Variants in PEBP4 observed in about 807,000 individuals in gnomAD.
PEBP4 encodes phosphatidylethanolamine-binding protein 4.
Under a neutral mutation model 23.9 loss-of-function variants are expected in PEBP4, and 22 were observed. The ratio of observed to expected loss-of-function variants is 0.92; its 90% CI spans 0.66 to 1.31. PEBP4 has a LOEUF of 1.31. Ranked by LOEUF, PEBP4 falls within the 40% of genes most tolerant of loss-of-function variation. PEBP4 has a pLI of 0.00. For missense variants in PEBP4, 324 were observed against 281.7 expected (o/e 1.15, Z -1.07); for synonymous variants, 112 against 99.3 (o/e 1.13, Z -0.76).
At chr8:22,892,153 T>C (rs143127950) in intron 3 of PEBP4, among the ~76,000 whole-genome samples, 45 of 152,144 alleles carry the variant, frequency 3.0e-4, no homozygotes, top group African/African-American at 1.0e-3. Context: ...TTGTGAGAAA[T>C]AAAACTTTAG....
At chr8:22,799,302 T>C (rs898701669) in intron 4 of PEBP4, among the ~76,000 whole-genome samples, 11 of 152,236 alleles carry the variant, frequency 7.2e-5, no homozygotes, top group Admixed American at 2.0e-4. Flanking sequence ...TACTGTTGCT[T>C]GGAGTTTGGG....
chr8:22,898,530 T>A (rs944890866), intron 3 of PEBP4, among the ~76,000 whole-genome samples: 37 of 148,354 alleles, frequency 2.5e-4, no homozygotes, highest in Non-Finnish European at 2.4e-4. Flanking sequence ...AGTGGCTCAA[T>A]CTAATACTCA....
intron 4 of PEBP4, among the ~76,000 whole-genome samples, chr8:22,735,134 A>G (rs1045772713): frequency 1.2e-4 from 18 of 152,216 alleles, no homozygotes; most frequent in African/African-American, 4.3e-4. Flanking sequence ...TGTGTTGGAG[A>G]TAGAAATTTA....
chr8:22,778,382 G>GA (rs761423238), intron 4 of PEBP4, among the ~76,000 whole-genome samples: 171 of 149,994 alleles, frequency 1.1e-3, no homozygotes, highest in Middle Eastern at 6.8e-3. Context: ...GACAGAGCTT[G>GA]AACTTTTTTT....
At position 22,789,761 on chromosome 8, in the gene PEBP4, G is replaced by T. The variant is rs146880745; in HGVS notation, c.357+27876C>A. 1.3e-3 allele frequency among the ~76,000 whole-genome samples: 205 copies of T among 152,324 alleles called. 1 individual carries two copies. Among genetic ancestry groups the T allele is most frequent in the African/African-American group, 4.7e-3 (195 of 41,570 alleles). ...GATGCTCACCTTGTCAAACACTTTT[G>T]TGACAGACATGATTCTCCTTCCTCC... is the stretch of plus-strand genomic sequence containing the variant. On this transcript the variant is annotated intron_variant, in intron 4 of 6. Transcript: ENST00000256404.
At chr8:22,735,686 T>C (rs1020482592) in intron 4 of PEBP4, among the ~76,000 whole-genome samples, 4 of 152,178 alleles carry the variant, frequency 2.6e-5, no homozygotes, top group Non-Finnish European at 4.4e-5. Flanking sequence ...CCAGAGTTGG[T>C]TGGCTGAGCT....
chr8:22,738,710 T>A (rs1487131600), intron 4 of PEBP4, among the ~76,000 whole-genome samples: 1 of 152,080 alleles, frequency 6.6e-6, no homozygotes, highest in African/African-American at 2.4e-5. Flanking sequence ...ATACATACGT[T>A]CACACACTCA....
chr8:22,844,161 A>T (rs1807380422), intron 3 of PEBP4, among the ~76,000 whole-genome samples: 1 of 152,226 alleles, frequency 6.6e-6, no homozygotes, highest in African/African-American at 2.4e-5. Context: ...GCTGACAGAG[A>T]AAGAAGTTGC....
chr8:22,809,441 C>T (rs1379799940), intron 4 of PEBP4, among the ~76,000 whole-genome samples: 1 of 152,148 alleles, frequency 6.6e-6, no homozygotes, highest in Non-Finnish European at 1.5e-5. Flanking sequence ...CCACACATGG[C>T]CACAATATAA....
intron 3 of PEBP4, among the ~76,000 whole-genome samples, chr8:22,864,161 G>A (rs1807835429): frequency 6.6e-6 from 1 of 152,182 alleles, no homozygotes; most frequent in Non-Finnish European, 1.5e-5. Flanking sequence ...CAGGCCCCCT[G>A]CCTTTTGCAT....
intron 4 of PEBP4, among the ~76,000 whole-genome samples, chr8:22,739,646 G>C (rs1029448010): frequency 6.6e-6 from 1 of 152,126 alleles, no homozygotes; most frequent in East Asian, 1.9e-4. Context: ...CCGAGTGGCT[G>C]TGACTGCTGA....
At chr8:22,727,576 A>C (rs111350269) in intron 4 of PEBP4, among the ~76,000 whole-genome samples, 3,252 of 152,190 alleles carry the variant, frequency 0.021, 112 homozygotes, top group African/African-American at 0.073. Context: ...ACTGGGCGCT[A>C]CACATCACCT....
chr8:22,725,833 T>A lies in PEBP4; in HGVS notation c.404-877A>T, dbSNP rs180793490. On this transcript the variant is annotated intron_variant, in intron 5 of 6. Transcript: ENST00000256404. ...ATTGGTCCTTTATGGCCATCTCCCC[T>A]TCTTTCCTCTCCTGATCATTAAACA... 3.9e-5 allele frequency among the ~76,000 whole-genome samples: 6 copies of A among 152,292 alleles called. No individual in the cohort carries two copies. In the East Asian group the frequency reaches 1.2e-3, roughly 29 times the overall value.
chr8:22,801,597 A>AT (rs1014909068), intron 4 of PEBP4, among the ~76,000 whole-genome samples: 4 of 152,102 alleles, frequency 2.6e-5, no homozygotes, highest in African/African-American at 9.7e-5. Context: ...GAGATGAAGG[A>AT]TTTTTTGGGG....
At position 22,814,775 on chromosome 8, in the gene PEBP4, C is replaced by CAAT. The variant is rs143407184; in HGVS notation, c.357+2861_357+2862insATT. Among the ~76,000 whole-genome samples the CAAT allele has an allele frequency of 1.7e-3, 265 of 152,192 alleles. 1 individual carries two copies. The highest frequency in any genetic ancestry group is 6.1e-3 in the African/African-American group (255 of 41,494). On this transcript the variant is annotated intron_variant, in intron 4 of 6. Transcript: ENST00000256404. Reference sequence around the variant, plus strand: ...ATTTAGGGTGTAGTATTATGGGGTCCAAAACACTTACCTAGTGTGTTTTAT... The same window carrying CAAT: ...ATTTAGGGTGTAGTATTATGGGGTCCAATAAAACACTTACCTAGTGTGTTTTAT...
At chr8:22,843,451 G>A (rs1464001443) in intron 3 of PEBP4, among the ~76,000 whole-genome samples, 1 of 152,178 alleles carries the variant, frequency 6.6e-6, no homozygotes, top group African/African-American at 2.4e-5. Context: ...CTAGGAAATG[G>A]GTTGCTCCAT....
chr8:22,904,810 C>A (rs1808779083), intron 3 of PEBP4, among the ~76,000 whole-genome samples: 1 of 152,152 alleles, frequency 6.6e-6, no homozygotes, highest in Admixed American at 6.5e-5. Flanking sequence ...TCTTCAAGAC[C>A]ATGCTTTTTA....
At chr8:22,833,266 G>C (rs1056833802) in intron 3 of PEBP4, among the ~76,000 whole-genome samples, 2 of 152,118 alleles carry the variant, frequency 1.3e-5, no homozygotes, top group South Asian at 2.1e-4. Context: ...GACTCCTAAG[G>C]CTCAGTTATC....
chr8:22,933,156 TC>T (rs1200509158), intron 1 of PEBP4, among the ~76,000 whole-genome samples: 1 of 152,186 alleles, frequency 6.6e-6, no homozygotes, highest in Non-Finnish European at 1.5e-5. Flanking sequence ...TGTGCAATGC[TC>T]TAATCTGTCT....
Sources: allele counts gnomAD v4.1 joint callset (sites outside exome capture counted in the v4.1 genomes callset), GRCh38; gene constraint gnomAD v4.1.1; transcripts MANE v1.5; gene names NCBI Gene and HGNC (gene_info 2026-07-23, HGNC 2026-07-21).